The following SPON1 variants were observed in gnomAD, a reference collection of about 807,000 sequenced individuals.
SPON1 encodes spondin 1, also known as spondin-1.
A neutral mutation model predicts 111.7 loss-of-function variants in SPON1; 52 were observed. The ratio of observed to expected loss-of-function variants is 0.47; its 90% CI spans 0.37 to 0.59. SPON1 has a LOEUF of 0.59. Among genes scored for constraint, SPON1 ranks in the 20% least tolerant of loss-of-function variants. The pLI is 0.00. For missense variants in SPON1, 957 were observed against 1,068.5 expected (o/e 0.90, Z 1.46); for synonymous variants, 410 against 395.8 (o/e 1.04, Z -0.43).
chr11:14,019,114 T>G (rs1033488057), intron 2 of SPON1, among the ~76,000 whole-genome samples: 2 of 152,144 alleles, frequency 1.3e-5, no homozygotes, highest in Non-Finnish European at 2.9e-5. Context: ...TGAGCTCCAT[T>G]TGGGACCTGT....
intron 2 of SPON1, among the ~76,000 whole-genome samples, chr11:14,037,039 T>C (rs1229040350): frequency 6.6e-6 from 1 of 152,034 alleles, no homozygotes; most frequent in Non-Finnish European, 1.5e-5. Context: ...AGTAATTTCA[T>C]TGTGATGAAG....
intron 7 of SPON1, among the ~76,000 whole-genome samples, chr11:14,252,391 C>T (rs1849062349): frequency 6.7e-6 from 1 of 149,446 alleles, no homozygotes; most frequent in African/African-American, 2.5e-5. Flanking sequence ...GGGAATCCAG[C>T]GCTATGTATC....
chr11:14,210,842 C>A (rs1848567652), intron 6 of SPON1, among the ~76,000 whole-genome samples: 1 of 152,162 alleles, frequency 6.6e-6, no homozygotes, highest in Admixed American at 6.5e-5. Context: ...TTTCCCAACA[C>A]CATTTATTAA....
At chr11:14,194,984 T>C (rs1251398718) in intron 6 of SPON1, among the ~76,000 whole-genome samples, 1 of 152,150 alleles carries the variant, frequency 6.6e-6, no homozygotes, top group Non-Finnish European at 1.5e-5. Flanking sequence ...TACATGATAA[T>C]CTTTGTTGGT....
chr11:14,157,933 T>G (rs1847868127), intron 6 of SPON1, among the ~76,000 whole-genome samples: 1 of 152,178 alleles, frequency 6.6e-6, no homozygotes, highest in Non-Finnish European at 1.5e-5. Flanking sequence ...TTAATTATAG[T>G]TTTTAAGTCC....
chr11:13,965,243 T>C (rs1413391398), intron 1 of SPON1, among the ~76,000 whole-genome samples: 1 of 152,208 alleles, frequency 6.6e-6, no homozygotes, highest in African/African-American at 2.4e-5. Context: ...CATGAATTAA[T>C]TGAATGAATG....
At chr11:14,234,290 G>A (rs1253300590) in intron 6 of SPON1, among the ~76,000 whole-genome samples, 1 of 152,144 alleles carries the variant, frequency 6.6e-6, no homozygotes, top group Non-Finnish European at 1.5e-5. Context: ...TTCTGCTGTG[G>A]CCCCCTTTTC....
rs1470786060 is a variant in SPON1 at position 14,046,510 on chromosome 11, A to G, written c.479+4856A>G. Among the ~76,000 whole-genome samples the G allele has an allele frequency of 2.6e-5, 4 of 152,146 alleles. No individual in the cohort carries two copies. The East Asian group carries it at 7.7e-4, about 29-fold the overall frequency. ...TATCAAATAGTTTATTCTTTCCTTG[A>G]TGGGCTGAGATGCTACTTCATTAAA... On this transcript the variant is annotated intron_variant, in intron 3 of 15. Coordinates refer to ENST00000576479, the MANE Select transcript of SPON1 (RefSeq NM_006108.4).
intron 1 of SPON1, among the ~76,000 whole-genome samples, chr11:13,979,010 C>T (rs781810612): frequency 1.3e-5 from 2 of 152,208 alleles, no homozygotes; most frequent in African/African-American, 4.8e-5. Context: ...TGATTGTATT[C>T]ATTTCCTAGG....
chr11:14,159,803 G>A (rs1265489241), intron 6 of SPON1, among the ~76,000 whole-genome samples: 8 of 149,018 alleles, frequency 5.4e-5, no homozygotes, highest in African/African-American at 1.2e-4. Context: ...AACATCACAT[G>A]TTCTCACTTA....
chr11:14,160,314 C>A (rs1480577576), intron 6 of SPON1, among the ~76,000 whole-genome samples: 7 of 137,832 alleles, frequency 5.1e-5, no homozygotes, highest in Non-Finnish European at 1.1e-4. Context: ...CAAAAATACA[C>A]TTAATATACC....
intron 6 of SPON1, among the ~76,000 whole-genome samples, chr11:14,218,488 T>C (rs1432476188): frequency 6.6e-6 from 1 of 152,152 alleles, no homozygotes; most frequent in Middle Eastern, 3.2e-3. Context: ...TCCTAATGAT[T>C]TCTGTGTCCC....
At chr11:14,204,699 GT>G (rs1848498913) in intron 6 of SPON1, among the ~76,000 whole-genome samples, 2 of 126,540 alleles carry the variant, frequency 1.6e-5, no homozygotes, top group South Asian at 5.5e-4. Flanking sequence ...TTTTTTGTTT[GT>G]TTGTTTTTGG....
intron 6 of SPON1, among the ~76,000 whole-genome samples, chr11:14,236,074 G>A (rs1848863205): frequency 6.6e-6 from 1 of 152,170 alleles, no homozygotes; most frequent in Admixed American, 6.5e-5. Context: ...CCTGTCTGCT[G>A]TGAGATGCAA....
intron 6 of SPON1, among the ~76,000 whole-genome samples, chr11:14,210,271 T>A (rs1554936569): frequency 6.6e-6 from 1 of 152,108 alleles, no homozygotes; most frequent in Non-Finnish European, 1.5e-5. Flanking sequence ...TTTAATTAGA[T>A]CTCATTTGTC....
intron 2 of SPON1, among the ~76,000 whole-genome samples, chr11:13,992,287 A>G (rs1848237048): frequency 6.6e-6 from 1 of 152,200 alleles, no homozygotes; most frequent in South Asian, 2.1e-4. Context: ...CAGTCTGGCC[A>G]CAGCAGCCTT....
intron 2 of SPON1, among the ~76,000 whole-genome samples, chr11:13,995,988 A>G (rs1848269015): frequency 6.6e-6 from 1 of 152,196 alleles, no homozygotes; most frequent in South Asian, 2.1e-4. Flanking sequence ...TACAGAGACA[A>G]TAACCTTTGA....
At chr11:13,966,359 G>A (rs995704586) in intron 1 of SPON1, among the ~76,000 whole-genome samples, 4 of 152,116 alleles carry the variant, frequency 2.6e-5, no homozygotes, top group Admixed American at 2.6e-4. Context: ...AGGACAATTC[G>A]CAGGACCAGC....
At chr11:13,964,724 G>T (rs1008003025) in intron 1 of SPON1, among the ~76,000 whole-genome samples, 1 of 152,170 alleles carries the variant, frequency 6.6e-6, no homozygotes, top group African/African-American at 2.4e-5. Flanking sequence ...CGGCTAGAGC[G>T]AGCCGCGCCG....
Sources: gnomAD v4.1 joint callset for allele counts (sites outside exome capture counted in the v4.1 genomes callset) on GRCh38, gnomAD v4.1.1 for gene constraint, MANE v1.5 for transcripts, NCBI Gene and HGNC (gene_info 2026-07-23, HGNC 2026-07-21) for gene names.